Variants in RFX3 observed in about 807,000 individuals in gnomAD.
RFX3 encodes the protein transcription factor RFX3.
In RFX3, 14 loss-of-function variants were observed where a neutral mutation model predicts 98.6. The ratio of observed to expected loss-of-function variants is 0.14; its 90% CI spans 0.09 to 0.22. RFX3 has a LOEUF of 0.22. Among genes scored for constraint, RFX3 ranks in the 10% least tolerant of loss-of-function variants. RFX3 has a pLI of 1.00. For missense variants in RFX3, 639 were observed against 926.9 expected, an observed-to-expected ratio of 0.69 and a Z score of 4.03; for synonymous variants, 383 against 328.4, an observed-to-expected ratio of 1.17 and a Z score of -1.80.
chr9:3,431,381 G>C (rs979364093), intron 1 of RFX3, among the ~76,000 whole-genome samples: 1 of 152,134 alleles, frequency 6.6e-6, no homozygotes, highest in Admixed American at 6.6e-5. Flanking sequence ...ATGTACCATA[G>C]ATTAAGGTCT....
intron 1 of RFX3, among the ~76,000 whole-genome samples, chr9:3,521,402 A>G (rs1385491976): frequency 6.6e-6 from 1 of 152,176 alleles, no homozygotes; most frequent in Non-Finnish European, 1.5e-5. Context: ...AAATAAGCCT[A>G]TTATATGCTT....
chr9:3,504,395 T>C (rs902501857), intron 1 of RFX3, among the ~76,000 whole-genome samples: 3 of 134,548 alleles, frequency 2.2e-5, no homozygotes, highest in Admixed American at 1.6e-4. Context: ...ATAGCATATA[T>C]TGTATATAAA....
chr9:3,338,738 T>C (rs184256605), intron 3 of RFX3, among the ~76,000 whole-genome samples: 1 of 152,274 alleles, frequency 6.6e-6, no homozygotes, highest in Non-Finnish European at 1.5e-5. Context: ...ATTGTACTAG[T>C]TGATACTACA....
At chr9:3,242,406 T>C (rs1319080199) in intron 15 of RFX3, among the ~76,000 whole-genome samples, 1 of 144,172 alleles carries the variant, frequency 6.9e-6, no homozygotes, top group Non-Finnish European at 1.5e-5. Context: ...TCCATGATTG[T>C]TTTTTTTTTT....
At chr9:3,399,685 C>T (rs1841283510) in intron 1 of RFX3, among the ~76,000 whole-genome samples, 2 of 151,684 alleles carry the variant, frequency 1.3e-5, no homozygotes, top group South Asian at 4.2e-4. Flanking sequence ...GGGGCAGTGG[C>T]TCACGCTTGT....
chr9:3,367,812 CG>C (rs1563996273), intron 2 of RFX3, among the ~76,000 whole-genome samples: 1 of 152,020 alleles, frequency 6.6e-6, no homozygotes, highest in East Asian at 1.9e-4. Context: ...TCAAAAAGTT[CG>C]AATAGTTAAG....
intron 9 of RFX3, among the ~76,000 whole-genome samples, chr9:3,272,831 T>TA (rs1824681156): frequency 6.6e-6 from 1 of 152,182 alleles, no homozygotes; most frequent in African/African-American, 2.4e-5. Flanking sequence ...AAACTAGTGA[T>TA]ACAAAAATAT....
chr9:3,473,600 C>G (rs1848968079), intron 1 of RFX3, among the ~76,000 whole-genome samples: 1 of 152,210 alleles, frequency 6.6e-6, no homozygotes, highest in South Asian at 2.1e-4. Flanking sequence ...TTTAACCATA[C>G]TGACAGATGC....
rs777431436 is a variant in RFX3 at position 3,416,128 on chromosome 9, T to A, written c.-8-20532A>T. Reference sequence around the variant, plus strand: ...GAGTCAGCCAATTACTTCCAGAATCTTTACATGACAAGTATATTTGAAGTC... The same window carrying A: ...GAGTCAGCCAATTACTTCCAGAATCATTACATGACAAGTATATTTGAAGTC... On this transcript the variant is annotated intron_variant, in intron 1 of 16. Transcript: ENST00000617270. 2.0e-5 allele frequency among the ~76,000 whole-genome samples: 3 copies of A among 152,202 alleles called. No individual in the cohort carries two copies. The East Asian group carries it at 5.8e-4, about 29-fold the overall frequency.
chr9:3,426,059 ATATAC>A (rs1469978809), intron 1 of RFX3, among the ~76,000 whole-genome samples: 1 of 152,206 alleles, frequency 6.6e-6, no homozygotes. Context: ...TCTTTTTTAA[ATATAC>A]TATACGATTG....
intron 2 of RFX3, chr9:3,394,819 A>G (rs1411987680): frequency 2.0e-6 from 2 of 985,262 alleles, no homozygotes; most frequent in South Asian, 4.7e-5. Flanking sequence ...CAGTGTGTTC[A>G]CAATCCACAT....
intron 1 of RFX3, among the ~76,000 whole-genome samples, chr9:3,398,774 C>T (rs1265264266): frequency 6.6e-6 from 1 of 152,026 alleles, no homozygotes; most frequent in African/African-American, 2.4e-5. Flanking sequence ...CTATGACCCA[C>T]ACTTTGACAT....
chr9:3,365,620 A>C (rs898952027), intron 2 of RFX3, among the ~76,000 whole-genome samples: 1 of 152,168 alleles, frequency 6.6e-6, no homozygotes, highest in South Asian at 2.1e-4. Context: ...TATATTACCT[A>C]CTTTTTAGGA....
intron 4 of RFX3, among the ~76,000 whole-genome samples, chr9:3,320,560 T>TAA (rs201712364): frequency 6.6e-5 from 9 of 135,752 alleles, no homozygotes; most frequent in Admixed American, 3.7e-4. Flanking sequence ...ACCCCCTCCA[T>TAA]AAAAAAAAAC....
intron 1 of RFX3, among the ~76,000 whole-genome samples, chr9:3,513,764 TCAAG>T (rs536024156): frequency 8.3e-4 from 127 of 152,232 alleles, no homozygotes; most frequent in Middle Eastern, 6.8e-3. Context: ...CCAAAAATGC[TCAAG>T]CAAACCTAAC....
At chr9:3,259,985 T>G (rs572724953) in intron 13 of RFX3, among the ~76,000 whole-genome samples, 1 of 152,046 alleles carries the variant, frequency 6.6e-6, no homozygotes, top group South Asian at 2.1e-4. Flanking sequence ...CCAAATGAAC[T>G]GGAGATGGGG....
intron 1 of RFX3, among the ~76,000 whole-genome samples, chr9:3,486,820 G>A (rs971435869): frequency 6.6e-6 from 1 of 151,990 alleles, no homozygotes; most frequent in Non-Finnish European, 1.5e-5. Context: ...TTTTTGATGG[G>A]CCCCAGATAC....
chr9:3,280,312 G>A (rs748905477), intron 7 of RFX3, among the ~76,000 whole-genome samples: 1 of 151,740 alleles, frequency 6.6e-6, no homozygotes, highest in Non-Finnish European at 1.5e-5. Context: ...GGCTAATGTG[G>A]GCCTGTAAGT....
Position 3,294,334 on chromosome 9 carries a change from C to A in RFX3, c.550-1076G>T, listed in dbSNP as rs1234722189. On this transcript the variant is annotated intron_variant, in intron 5 of 16. Coordinates refer to ENST00000617270, the MANE Select transcript of RFX3 (RefSeq NM_001282116.2). ...AAAAATTTTCATGCCATATGTAAGA[C>A]AGGTGTAATAAAGAGCTGACATTTA... Among the ~76,000 whole-genome samples the A allele has an allele frequency of 3.3e-5, 5 of 151,954 alleles. No individual in the cohort carries two copies. The South Asian group carries it at 8.3e-4, about 25-fold the overall frequency.
Sources: gnomAD v4.1 joint callset for allele counts (sites outside exome capture counted in the v4.1 genomes callset) on GRCh38, gnomAD v4.1.1 for gene constraint, MANE v1.5 for transcripts, NCBI Gene and HGNC (gene_info 2026-07-23, HGNC 2026-07-21) for gene names.